Variants in SCGB2B2 observed in about 807,000 individuals in gnomAD.
SCGB2B2 encodes secretoglobin-like protein.
Under a neutral mutation model 7.6 loss-of-function variants are expected in SCGB2B2, and 11 were observed. The ratio of observed to expected loss-of-function variants is 1.45; its 90% CI spans 0.91 to 2.40. The LOEUF (loss-of-function observed/expected upper bound fraction) is 2.40. SCGB2B2 is among the 30% of genes most tolerant of loss of function. The pLI, the probability that SCGB2B2 is intolerant of heterozygous loss-of-function variation, is 0.00. For missense variants in SCGB2B2, 104 were observed against 115.4 expected, an observed-to-expected ratio of 0.90 and a Z score of 0.45; for synonymous variants, 50 against 48.6, an observed-to-expected ratio of 1.03 and a Z score of -0.12.
At chr19:34,600,792 G>C (rs534098755) in intron 1 of SCGB2B2, among the ~76,000 whole-genome samples, 1 of 152,046 alleles carries the variant, frequency 6.6e-6, no homozygotes, top group African/African-American at 2.4e-5. Flanking sequence ...TGTTTGGTTA[G>C]TTGTTGAAAA....
At chr19:34,605,983 GT>G (rs1332068724) in intron 1 of SCGB2B2, among the ~76,000 whole-genome samples, 2 of 151,500 alleles carry the variant, frequency 1.3e-5, no homozygotes, top group South Asian at 4.2e-4. Context: ...TACCCAATTT[GT>G]TTTTTTAGAA....
At chr19:34,656,047 T>C (rs1216870149) in intron 1 of SCGB2B2, among the ~76,000 whole-genome samples, 1 of 151,236 alleles carries the variant, frequency 6.6e-6, no homozygotes, top group Non-Finnish European at 1.5e-5. Context: ...AATGAGCTGG[T>C]ATCATGTTGA....
intron 1 of SCGB2B2, among the ~76,000 whole-genome samples, chr19:34,662,440 T>C (rs2067484663): frequency 6.6e-6 from 1 of 152,036 alleles, no homozygotes; most frequent in Admixed American, 6.6e-5. Flanking sequence ...CATGAGAATC[T>C]TTTTTCCAAA....
In SCGB2B2 at chr19:34,592,948, T is replaced by G. The variant is rs1045913842; in HGVS notation, c.*607A>C. On this transcript the variant is annotated 3_prime_UTR_variant, in exon 4 of 4. Transcript: ENST00000601241. ...GGTTCTGCATTGAGGGGTTGTGGGG[T>G]AGAGGTAGGGGGAGAAAAAAGGACA... is the stretch of plus-strand genomic sequence containing the variant. Among the ~76,000 whole-genome samples, 12 of 151,278 alleles carry G rather than the reference T, an allele frequency of 7.9e-5. No homozygotes were observed. The highest frequency in any genetic ancestry group is 1.2e-4 in the African/African-American group (5 of 41,180).
chr19:34,614,973 G>A (rs1375316579), intron 1 of SCGB2B2, among the ~76,000 whole-genome samples: 1 of 152,150 alleles, frequency 6.6e-6, no homozygotes, highest in Non-Finnish European at 1.5e-5. Context: ...AAGGCTTTGG[G>A]GGCCTTCCAA....
At chr19:34,665,435 C>T (rs903960619) in intron 1 of SCGB2B2, among the ~76,000 whole-genome samples, 1 of 152,176 alleles carries the variant, frequency 6.6e-6, no homozygotes, top group African/African-American at 2.4e-5. Context: ...AGCCTGGTGA[C>T]TCCCTGGCCA....
chr19:34,610,768 GTT>G (rs548680772), intron 1 of SCGB2B2, among the ~76,000 whole-genome samples: 1 of 139,686 alleles, frequency 7.2e-6, no homozygotes, highest in Non-Finnish European at 1.5e-5. Context: ...TTGGCCTATA[GTT>G]TTTTTTTTTT....
At chr19:34,670,364 T>G (rs1363542732) in intron 1 of SCGB2B2, among the ~76,000 whole-genome samples, 1 of 152,246 alleles carries the variant, frequency 6.6e-6, no homozygotes, top group East Asian at 1.9e-4. Context: ...CTTACCACAG[T>G]GTTATGAGGA....
chr19:34,599,591 C>T (rs1280745118), intron 1 of SCGB2B2, among the ~76,000 whole-genome samples: 2 of 152,126 alleles, frequency 1.3e-5, no homozygotes, highest in Non-Finnish European at 2.9e-5. Flanking sequence ...GGGAAAATCC[C>T]TCATGAATCA....
At chr19:34,607,286 T>C (rs1441539132) in intron 1 of SCGB2B2, among the ~76,000 whole-genome samples, 1 of 152,062 alleles carries the variant, frequency 6.6e-6, no homozygotes, top group Non-Finnish European at 1.5e-5. Flanking sequence ...GAAAGATAGA[T>C]GGATGGATAG....
At chr19:34,649,316 C>T (rs1198772418) in intron 1 of SCGB2B2, among the ~76,000 whole-genome samples, 1 of 152,130 alleles carries the variant, frequency 6.6e-6, no homozygotes, top group Non-Finnish European at 1.5e-5. Context: ...AGAGAGAAAT[C>T]CTTTGACTTC....
At chr19:34,649,439 AT>A (rs1271346136) in intron 1 of SCGB2B2, among the ~76,000 whole-genome samples, 2 of 152,150 alleles carry the variant, frequency 1.3e-5, no homozygotes, top group Middle Eastern at 3.2e-3. Flanking sequence ...GATGAGTGTA[AT>A]GTGTAATTAT....
intron 1 of SCGB2B2, among the ~76,000 whole-genome samples, chr19:34,634,263 A>T (rs2066615329): frequency 6.6e-6 from 1 of 152,174 alleles, no homozygotes. Context: ...GGTGGTCTGC[A>T]ATGGCCTCAG....
chr19:34,621,717 T>C (rs2066247711), intron 1 of SCGB2B2, among the ~76,000 whole-genome samples: 1 of 152,192 alleles, frequency 6.6e-6, no homozygotes. Context: ...TAAACAATGA[T>C]TCTTATCATT....
intron 1 of SCGB2B2, among the ~76,000 whole-genome samples, chr19:34,606,882 G>A (rs368841918): frequency 1.5e-4 from 23 of 151,640 alleles, no homozygotes; most frequent in Middle Eastern, 3.4e-3. Flanking sequence ...AGGCTTTCAC[G>A]GGGGATTGTG....
chr19:34,615,832 C>T (rs527856976), intron 1 of SCGB2B2, among the ~76,000 whole-genome samples: 27 of 147,360 alleles, frequency 1.8e-4, no homozygotes, highest in Non-Finnish European at 3.3e-4. Flanking sequence ...TCTCCCAATG[C>T]TATCCCTCCC....
intron 1 of SCGB2B2, chr19:34,632,611 G>A (rs1222428765): frequency 6.6e-6 from 1 of 152,172 alleles, no homozygotes; most frequent in Non-Finnish European, 1.5e-5. Context: ...GTGTTGGTGA[G>A]GACATGGAGT....
At chr19:34,613,199 A>G (rs2145852543) in intron 1 of SCGB2B2, among the ~76,000 whole-genome samples, 1 of 152,008 alleles carries the variant, frequency 6.6e-6, no homozygotes, top group Non-Finnish European at 1.5e-5. Context: ...CCTGGGTTCA[A>G]GTGATTCTCC....
intron 1 of SCGB2B2, among the ~76,000 whole-genome samples, chr19:34,599,869 T>C (rs2065573465): frequency 6.6e-6 from 1 of 152,168 alleles, no homozygotes; most frequent in Non-Finnish European, 1.5e-5. Flanking sequence ...CATCTTTTTA[T>C]TGTGACATAG....
Sources: allele counts gnomAD v4.1 joint callset (sites outside exome capture counted in the v4.1 genomes callset), GRCh38; gene constraint gnomAD v4.1.1; transcripts MANE v1.5; gene names NCBI Gene and HGNC (gene_info 2026-07-23, HGNC 2026-07-21).